The following USP34 variants were observed in gnomAD, a reference collection of about 807,000 sequenced individuals.
The protein encoded by USP34 is ubiquitin specific peptidase 34.
In USP34, 70 loss-of-function variants were observed where a neutral mutation model predicts 460.3. The observed-to-expected ratio is 0.15, with a 90% CI of 0.13 to 0.19. The LOEUF (loss-of-function observed/expected upper bound fraction) is 0.19, where lower values mean the gene tolerates loss of function less well. Ranked by LOEUF, USP34 falls within the 10% of genes least tolerant of loss-of-function variation. The probability of loss-of-function intolerance (pLI) is 1.00; values close to 1 mark genes in which losing one functional copy is unlikely to be tolerated. For missense variants in USP34, 3,985 were observed against 4,236.2 expected (o/e 0.94, Z 1.65); for synonymous variants, 1,647 against 1,405.3 (o/e 1.17, Z -3.85).
At chr2:61,395,274 T>C (rs1693482632) in intron 3 of USP34, 41 bp from the exon 4 acceptor site, 1 of 1,135,502 alleles carries the variant, frequency 8.8e-7, no homozygotes, top group Non-Finnish European at 1.3e-6. Context: ...AGGTTACAAC[T>C]ACTAACCTTT....
At chr2:61,436,630 C>T (rs1020725879) in intron 1 of USP34, among the ~76,000 whole-genome samples, 3 of 152,186 alleles carry the variant, frequency 2.0e-5, no homozygotes, top group African/African-American at 7.2e-5. Flanking sequence ...CTGGACAGAT[C>T]ATCTAGACAG....
intron 78 of USP34, 59 bp downstream of exon 78, chr2:61,190,212 A>G: frequency 6.5e-7 from 1 of 1,531,168 alleles, no homozygotes; most frequent in South Asian, 1.3e-5. Context: ...TATGAAGGCC[A>G]CACAGTTAAC....
intron 43 of USP34, among the ~76,000 whole-genome samples, chr2:61,261,039 C>T (rs1008837526): frequency 9.2e-5 from 14 of 152,270 alleles, no homozygotes; most frequent in South Asian, 2.1e-4. Flanking sequence ...TTAGCAAGGA[C>T]GTCGAGAAAT....
At chr2:61,265,211 A>G (rs1260912876) in intron 43 of USP34, 186 bp downstream of exon 43, 1 of 629,182 alleles carries the variant, frequency 1.6e-6, no homozygotes, top group Non-Finnish European at 2.7e-6. Flanking sequence ...ACTGTACTAC[A>G]GCATTATGAG....
chr2:61,230,038 C>A (rs534622835), intron 58 of USP34, among the ~76,000 whole-genome samples: 2 of 145,470 alleles, frequency 1.4e-5, no homozygotes, highest in East Asian at 2.0e-4. Context: ...TTTAAAGATA[C>A]ACAAGTGACC....
intron 3 of USP34, among the ~76,000 whole-genome samples, chr2:61,396,260 T>C (rs1693520765): frequency 6.6e-6 from 1 of 152,154 alleles, no homozygotes; most frequent in South Asian, 2.1e-4. Flanking sequence ...CAGTTATCCA[T>C]TGTTGGTGAG....
chr2:61,220,556 CT>C, intron 66 of USP34, 99 bp from the exon 67 acceptor site: 1 of 1,149,126 alleles, frequency 8.7e-7, no homozygotes, highest in Non-Finnish European at 1.2e-6. Context: ...AGCTAAAGTA[CT>C]TTTTTGACAA....
At chr2:61,256,846 A>G in intron 47 of USP34, 27 bp downstream of exon 47, 1 of 1,523,708 alleles carries the variant, frequency 6.6e-7, no homozygotes, top group Non-Finnish European at 8.8e-7. Flanking sequence ...AGCATAAAGT[A>G]AAAAAATTAT....
intron 5 of USP34, among the ~76,000 whole-genome samples, chr2:61,385,997 C>CAAAA: frequency 1.0e-5 from 1 of 99,438 alleles, no homozygotes; most frequent in Admixed American, 1.1e-4. Context: ...ACTCTGTCTC[C>CAAAA]AAAAAAAAAA....
chr2:61,194,004 A>T (rs931299279), intron 75 of USP34: 13 of 518,882 alleles, frequency 2.5e-5, no homozygotes, highest in Non-Finnish European at 3.2e-5. Context: ...ATTCTATATT[A>T]AAAAAAAATT....
chr2:61,292,903 T>C (rs1041180232), intron 33 of USP34, among the ~76,000 whole-genome samples: 7 of 151,710 alleles, frequency 4.6e-5, no homozygotes, highest in Non-Finnish European at 8.8e-5. Flanking sequence ...CATTTTTTTA[T>C]GCAAGTTCAC....
At chr2:61,375,730 C>A (rs1236431505) in intron 8 of USP34, among the ~76,000 whole-genome samples, 4 of 137,490 alleles carry the variant, frequency 2.9e-5, no homozygotes, top group Non-Finnish European at 4.5e-5. Flanking sequence ...GATCGCGCCA[C>A]TGCACTCCAG....
chr2:61,366,446 C>T (rs1692444547), intron 10 of USP34, among the ~76,000 whole-genome samples: 1 of 152,124 alleles, frequency 6.6e-6, no homozygotes, highest in African/African-American at 2.4e-5. Context: ...AGCCACCCGT[C>T]AGTCAGAAAA....
intron 61 of USP34, among the ~76,000 whole-genome samples, chr2:61,227,846 G>T (rs72884991): frequency 0.13 from 19,370 of 152,006 alleles, 1,384 homozygotes; most frequent in African/African-American, 0.16. Context: ...GATAAAAATT[G>T]CAAGTATGAT....
rs1244354147 is a variant in USP34 at position 61,464,648 on chromosome 2, C to T, written c.43+6002G>A. Among the ~76,000 whole-genome samples the T allele has an allele frequency of 1.4e-4, 18 of 133,290 alleles. No homozygotes were observed. The South Asian group carries it at 2.9e-3, about 22-fold the overall frequency. The allele number at this position is 133,290 out of a possible 152,430, so 87.4% of individuals were successfully genotyped here. ...GGCTCACGCCTGTAGTCCCAGGAGG[C>T]GGAGGTTGCAGTGAGCCCAAGATCG... On this transcript the variant is annotated intron_variant, in intron 1 of 79. Coordinates refer to ENST00000398571, the MANE Select transcript of USP34 (RefSeq NM_014709.4).
At chr2:61,378,018 C>T (rs1338355529) in intron 8 of USP34, among the ~76,000 whole-genome samples, 1 of 152,108 alleles carries the variant, frequency 6.6e-6, no homozygotes, top group Non-Finnish European at 1.5e-5. Flanking sequence ...GCAAATATCA[C>T]AAAAATTAGC....
At chr2:61,424,708 T>A (rs564011814) in intron 1 of USP34, among the ~76,000 whole-genome samples, 2 of 152,060 alleles carry the variant, frequency 1.3e-5, no homozygotes, top group African/African-American at 4.8e-5. Flanking sequence ...AGACCCCCTC[T>A]CTATTTAAGA....
chr2:61,404,171 G>C (rs575283989), intron 3 of USP34, among the ~76,000 whole-genome samples: 10 of 151,748 alleles, frequency 6.6e-5, no homozygotes, highest in Non-Finnish European at 1.2e-4. Context: ...GTCTCCATTC[G>C]ACATGAAAAT....
At chr2:61,312,007 A>C in intron 25 of USP34, 97 bp from the exon 26 acceptor site, 1 of 1,447,842 alleles carries the variant, frequency 6.9e-7, no homozygotes, top group African/African-American at 1.4e-5. Context: ...GAAAAGTCCA[A>C]AAGAAGTTCT....
Sources: gnomAD v4.1 joint callset for allele counts (sites outside exome capture counted in the v4.1 genomes callset) on GRCh38, gnomAD v4.1.1 for gene constraint, MANE v1.5 for transcripts, NCBI Gene and HGNC (gene_info 2026-07-23, HGNC 2026-07-21) for gene names.